The following RBM43 variants were observed in gnomAD, a reference collection of about 807,000 sequenced individuals.
RBM43 encodes the protein RNA-binding protein 43.
A neutral mutation model predicts 12.4 loss-of-function variants in RBM43; 12 were observed. The ratio of observed to expected loss-of-function variants is 0.97; its 90% CI spans 0.62 to 1.57. The LOEUF (loss-of-function observed/expected upper bound fraction) is 1.57. Ranked by LOEUF, RBM43 falls within the 40% of genes most tolerant of loss-of-function variation. RBM43 has a pLI of 0.00. For missense variants in RBM43, 348 were observed against 400.1 expected (o/e 0.87, Z 1.11); for synonymous variants, 138 against 145.7 (o/e 0.95, Z 0.38).
intron 1 of RBM43, among the ~76,000 whole-genome samples, chr2:151,256,442 CA>C (rs1392746341): frequency 6.6e-6 from 1 of 152,132 alleles, no homozygotes; most frequent in Admixed American, 6.6e-5. Flanking sequence ...GTTTTCTTTA[CA>C]TTGTAGAGTC....
intron 1 of RBM43, chr2:151,261,166 G>C (rs1011659323): frequency 7.2e-7 from 1 of 1,392,806 alleles, no homozygotes; most frequent in East Asian, 2.5e-5. Context: ...AAACACAGAA[G>C]GATAAATTTT....
chr2:151,253,890 C>G (rs1024155735), intron 2 of RBM43, among the ~76,000 whole-genome samples: 3 of 152,016 alleles, frequency 2.0e-5, no homozygotes, highest in African/African-American at 7.2e-5. Flanking sequence ...ACCAGTCCCT[C>G]CCTTGGCCTA....
At chr2:151,259,977 T>G (rs1237409883) in intron 1 of RBM43, among the ~76,000 whole-genome samples, 2 of 151,174 alleles carry the variant, frequency 1.3e-5, no homozygotes, top group African/African-American at 4.9e-5. Context: ...GCGATTCTCC[T>G]GCCCCAGCCT....
chr2:151,260,746 G>A (rs971268740), intron 1 of RBM43, among the ~76,000 whole-genome samples: 2 of 152,134 alleles, frequency 1.3e-5, no homozygotes, highest in Non-Finnish European at 2.9e-5. Flanking sequence ...AATAATGAGG[G>A]TTGTTCATCT....
chr2:151,251,124 C>T lies in RBM43; in HGVS notation c.856G>A (p.Ala286Thr). 1 of 1,613,436 alleles carries T rather than the reference C, an allele frequency of 6.2e-7. No homozygotes were observed. Among genetic ancestry groups the T allele is most frequent in the African/African-American group, 1.3e-5 (1 of 75,000 alleles). Residue 286 changes from alanine (A) to threonine (T), a missense_variant, in exon 4 of 4, where the codon GCT (alanine) becomes ACT (threonine). Transcript: ENST00000331426. Reference protein sequence around the residue: ...VKELIEEWSHALYLKLRKETF... With the variant: ...VKELIEEWSHTLYLKLRKETF... ...TCTTTTCTAAGCTTTAAGTAAAGAG[C>T]ATGTGACCATTCCTCAATGAGCTCT...
intron 2 of RBM43, 64 bp from the exon 3 acceptor site, chr2:151,252,919 A>T: frequency 1.4e-6 from 1 of 712,192 alleles, no homozygotes. Flanking sequence ...TTTTAATAAA[A>T]ATAGGCATAT....
chr2:151,249,042 C>A lies in RBM43; in HGVS notation c.*1864G>T, dbSNP rs1037947048. On this transcript the variant is annotated 3_prime_UTR_variant, in exon 4 of 4. Transcript: ENST00000331426. ...TATCCCAAATAAAACAGAACTCGAA[C>A]CATATCTGAGAGTTCTGTCCAAGAG... The A allele has an allele frequency of 6.6e-6, 1 of 152,030 alleles. No homozygotes were observed. Among genetic ancestry groups the A allele is most frequent in the Non-Finnish European group, 1.5e-5 (1 of 68,028 alleles). 9.4% of individuals were successfully genotyped at this position (152,030 alleles called of 1,614,324 possible).
chr2:151,255,817 G>T, intron 1 of RBM43, 74 bp from the exon 2 acceptor site: 1 of 1,065,170 alleles, frequency 9.4e-7, no homozygotes, highest in Non-Finnish European at 1.4e-6. Context: ...ACACTTCAGT[G>T]GAGAGAATAT....
intron 3 of RBM43, 101 bp from the exon 4 acceptor site, chr2:151,251,765 A>G (rs1045193830): frequency 1.7e-6 from 2 of 1,208,842 alleles, no homozygotes; most frequent in Non-Finnish European, 1.1e-6. Context: ...AGAAATTGCA[A>G]TAAACCAGGC....
At position 151,261,754 on chromosome 2, in the gene RBM43, G is replaced by A. The variant is rs1181158625; in HGVS notation, c.-27C>T. The stretch of plus-strand genomic sequence containing the variant: ...GCGGAGGGGAGACGCGCCCTCAGCG[G>A]CCGCAGAAAGCCCACAACCAGCGGA... On this transcript the variant is annotated 5_prime_UTR_variant, in exon 1 of 4. Transcript: ENST00000331426. 1.9e-6 allele frequency: 3 copies of A among 1,600,044 alleles called. No individual in the cohort carries two copies. Among genetic ancestry groups the A allele is most frequent in the Admixed American group, 3.5e-5 (2 of 57,204 alleles).
In RBM43 at chr2:151,255,540, T is replaced by G. The variant is rs546712010; in HGVS notation, c.207A>C (p.Glu69Asp). 25 of 1,597,952 alleles carry G rather than the reference T, an allele frequency of 1.6e-5. No homozygotes were observed. In the South Asian group the frequency reaches 2.4e-4, roughly 15 times the overall value. Residue 69 changes from glutamate to aspartate, a missense_variant, in exon 2 of 4, where the codon GAA (glutamate) becomes GAC (aspartate). Transcript: ENST00000331426. ...TKGVAYVIFK[E>D]KKVAENVIRQ... ...AATTTGACTTGGAAATACCTTTTTT[T>G]TCTTTGAATATTACATATGCAACTC...
chr2:151,261,058 A>G, intron 1 of RBM43: 1 of 602,732 alleles, frequency 1.7e-6, no homozygotes, highest in African/African-American at 1.8e-5. Context: ...CCAGGTCAAC[A>G]AAAACGTACT....
In RBM43 at chr2:151,255,657, T is replaced by G; in HGVS notation, c.90A>C (p.Gln30His). Residue 30 changes from glutamine to histidine, a missense_variant, in exon 2 of 4, where the codon CAA becomes CAC. Coordinates refer to ENST00000331426, the MANE Select transcript of RBM43 (RefSeq NM_198557.3). ...GGCTCTTCACTAATACGGCCAATAA[T>G]TGATCACTAAAAAGGTCAACTGGAA... Reference protein sequence around the residue: ...AGLPVDLFSDQLLAVLVKSHF... With the variant: ...AGLPVDLFSDHLLAVLVKSHF... 6.2e-7 allele frequency: 1 copy of G among 1,613,890 alleles called. No homozygotes were observed. The highest frequency in any genetic ancestry group is 8.5e-7 in the Non-Finnish European group (1 of 1,179,864).
chr2:151,258,383 TTA>T (rs1683001724), intron 1 of RBM43, among the ~76,000 whole-genome samples: 11 of 140,796 alleles, frequency 7.8e-5, no homozygotes, highest in Non-Finnish European at 9.4e-5. Context: ...TTATTTTACT[TTA>T]AAAAAAAAAA....
chr2:151,251,609 G>A lies in RBM43; in HGVS notation c.371C>T (p.Thr124Ile). ...CAGGTCTTTTACCAGAGTTTCTAGA[G>A]TAACTTCTTTTCCAAAAACAGAAAG... The part of the protein sequence containing the change: ...LDLSVFGKEV[T>I]LETLVKDLKK... The change falls in exon 4 of 4, where the codon ACT becomes ATT. Residue 124 changes from threonine (T) to isoleucine (I), a missense_variant. Coordinates refer to ENST00000331426, the MANE Select transcript of RBM43 (RefSeq NM_198557.3). 1 of 1,613,076 alleles carries A rather than the reference G, an allele frequency of 6.2e-7. No homozygotes were observed. The highest frequency in any genetic ancestry group is 1.1e-5 in the South Asian group (1 of 90,794).
In RBM43 at chr2:151,251,185, T is replaced by C. The variant is rs986674392; in HGVS notation, c.795A>G (p.Gln265=). 7 of 1,613,934 alleles carry C rather than the reference T, an allele frequency of 4.3e-6. No homozygotes were observed. The highest frequency in any genetic ancestry group is 2.2e-5 in the South Asian group (2 of 91,084). The change falls in exon 4 of 4, where the codon CAA becomes CAG. Residue 265 remains glutamine (Q), a synonymous_variant. Coordinates refer to ENST00000331426, the MANE Select transcript of RBM43 (RefSeq NM_198557.3). ...TTGCATTGTTTGGCTGAGAACCAAC[T>C]TGAATGCTTTTTAGACAAATTGTGG... ...EITTICLKSI[Q]VGSQPNNAKH...
chr2:151,255,924 T>G (rs537080167), intron 1 of RBM43, among the ~76,000 whole-genome samples, 181 bp from the exon 2 acceptor site: 41 of 152,238 alleles, frequency 2.7e-4, no homozygotes, highest in African/African-American at 9.9e-4. Flanking sequence ...CAACATAAAC[T>G]CTATATGAAT....
intron 1 of RBM43, among the ~76,000 whole-genome samples, chr2:151,260,828 C>A (rs958779568): frequency 6.6e-6 from 1 of 152,166 alleles, no homozygotes; most frequent in Admixed American, 6.5e-5. Context: ...AAACGAGCAG[C>A]TTTTAGCCAA....
chr2:151,259,763 A>G (rs2105194206), intron 1 of RBM43, among the ~76,000 whole-genome samples: 1 of 152,374 alleles, frequency 6.6e-6, no homozygotes, highest in Admixed American at 6.5e-5. Context: ...AGGCATAAAG[A>G]AAAACTTTAT....
Sources: allele counts gnomAD v4.1 joint callset (sites outside exome capture counted in the v4.1 genomes callset), GRCh38; gene constraint gnomAD v4.1.1; transcripts MANE v1.5; gene names NCBI Gene and HGNC (gene_info 2026-07-23, HGNC 2026-07-21).